The following GPR39 variants were observed in gnomAD, a reference collection of about 807,000 sequenced individuals.
The protein encoded by GPR39 is zinc sensing receptor.
A neutral mutation model predicts 18.4 loss-of-function variants in GPR39; 23 were observed. That is an observed-to-expected ratio of 1.25 (90% CI 0.90 to 1.77). The LOEUF (loss-of-function observed/expected upper bound fraction) is 1.77. Among genes scored for constraint, GPR39 ranks in the 40% most tolerant of loss-of-function variants. The pLI, the probability that GPR39 is intolerant of heterozygous loss-of-function variation, is 0.00. For synonymous variants in GPR39, 280 were observed against 257.9 expected, an observed-to-expected ratio of 1.09 and a Z score of -0.82; for missense variants, 647 against 602.4, an observed-to-expected ratio of 1.07 and a Z score of -0.78.
intron 1 of GPR39, among the ~76,000 whole-genome samples, chr2:132,418,216 TAATACTAGAG>T (rs1412832636): frequency 6.6e-6 from 1 of 152,110 alleles, no homozygotes; most frequent in Non-Finnish European, 1.5e-5. Context: ...ATGGGGACAA[TAATACTAGAG>T]AATATGACGG....
chr2:132,439,041 G>C (rs1485711478), intron 1 of GPR39, among the ~76,000 whole-genome samples: 2 of 152,192 alleles, frequency 1.3e-5, no homozygotes, highest in Non-Finnish European at 2.9e-5. Context: ...ACATTCATAA[G>C]AGTATTCCCC....
At chr2:132,521,597 G>C (rs1679427933) in intron 1 of GPR39, among the ~76,000 whole-genome samples, 1 of 152,158 alleles carries the variant, frequency 6.6e-6, no homozygotes, top group East Asian at 1.9e-4. Context: ...GGGATATTTG[G>C]AAGCATCTCT....
At chr2:132,465,496 A>G (rs1329062229) in intron 1 of GPR39, among the ~76,000 whole-genome samples, 1 of 152,238 alleles carries the variant, frequency 6.6e-6, no homozygotes, top group Non-Finnish European at 1.5e-5. Context: ...TTGTACAGTA[A>G]GTAATCACAG....
chr2:132,430,855 C>T (rs1680213359), intron 1 of GPR39, among the ~76,000 whole-genome samples: 1 of 152,248 alleles, frequency 6.6e-6, no homozygotes, highest in Admixed American at 6.5e-5. Flanking sequence ...TAGTGATGTG[C>T]TCTGACATTG....
intron 1 of GPR39, among the ~76,000 whole-genome samples, chr2:132,457,348 C>CTCTACACTG (rs1399459724): frequency 2.0e-5 from 3 of 152,186 alleles, no homozygotes. Context: ...TTAAGGTCTT[C>CTCTACACTG]TCTACACTGT....
intron 1 of GPR39, among the ~76,000 whole-genome samples, chr2:132,500,702 C>G (rs1211882401): frequency 6.6e-6 from 1 of 152,140 alleles, no homozygotes; most frequent in Non-Finnish European, 1.5e-5. Context: ...GTGATTCTAT[C>G]TAGTCCTGGA....
chr2:132,607,175 C>T (rs147206990), intron 1 of GPR39, among the ~76,000 whole-genome samples: 12 of 152,286 alleles, frequency 7.9e-5, no homozygotes, highest in African/African-American at 2.6e-4. Context: ...CAAGTATCAG[C>T]CTGCTCTGGC....
At position 132,550,448 on chromosome 2, in the gene GPR39, T is replaced by C. The variant is rs373545075; in HGVS notation, c.857-94653T>C. On this transcript the variant is annotated intron_variant, in intron 1 of 1. Coordinates refer to ENST00000329321, the MANE Select transcript of GPR39 (RefSeq NM_001508.3). Reference sequence around the variant, plus strand: ...TGTTGCATCTGTGGTTTCCATGGTATGAAGCTGCCACTGTGTTTGTTCCAA... The same window carrying C: ...TGTTGCATCTGTGGTTTCCATGGTACGAAGCTGCCACTGTGTTTGTTCCAA... 2.6e-5 allele frequency among the ~76,000 whole-genome samples: 4 copies of C among 152,176 alleles called. No homozygotes were observed. The East Asian group carries it at 5.8e-4, about 22-fold the overall frequency.
chr2:132,427,119 C>G (rs926298749), intron 1 of GPR39, among the ~76,000 whole-genome samples: 1 of 57,070 alleles, frequency 1.8e-5, no homozygotes, highest in Non-Finnish European at 3.4e-5. Context: ...ATATAATATA[C>G]ATATATAGGT....
At chr2:132,479,245 C>G (rs1186298328) in intron 1 of GPR39, among the ~76,000 whole-genome samples, 1 of 151,992 alleles carries the variant, frequency 6.6e-6, no homozygotes, top group Non-Finnish European at 1.5e-5. Context: ...CTTTTTGTTC[C>G]GTAGTGAGAT....
At chr2:132,471,989 C>T (rs1027602552) in intron 1 of GPR39, among the ~76,000 whole-genome samples, 1 of 152,152 alleles carries the variant, frequency 6.6e-6, no homozygotes, top group Admixed American at 6.5e-5. Context: ...ATATAATCCA[C>T]CTGCCACCAG....
intron 1 of GPR39, among the ~76,000 whole-genome samples, chr2:132,518,284 T>G (rs7604725): frequency 0.24 from 35,942 of 152,198 alleles, 5,522 homozygotes; most frequent in East Asian, 0.62. Context: ...CAAGGTGTTA[T>G]CCATAATAGT....
chr2:132,493,442 A>G (rs1339819257), intron 1 of GPR39, among the ~76,000 whole-genome samples: 1 of 146,198 alleles, frequency 6.8e-6, no homozygotes, highest in Non-Finnish European at 1.5e-5. Context: ...TACACACACC[A>G]TATATATACA....
chr2:132,642,183 A>C (rs183980029), intron 1 of GPR39, among the ~76,000 whole-genome samples: 1 of 152,216 alleles, frequency 6.6e-6, no homozygotes, highest in Non-Finnish European at 1.5e-5. Context: ...CTGGTGCACA[A>C]TATGAAAATC....
chr2:132,519,320 A>G lies in GPR39; in HGVS notation c.856+101422A>G, dbSNP rs932650887. 3.9e-5 allele frequency among the ~76,000 whole-genome samples: 6 copies of G among 152,162 alleles called. No individual in the cohort carries two copies. The East Asian group carries it at 1.2e-3, about 29-fold the overall frequency. ...TATTATTTGTTGACATAAAAAATGC[A>G]TATTTTTCTGAAGCCTGACTTCCCA... On this transcript the variant is annotated intron_variant, in intron 1 of 1. Transcript: ENST00000329321.
intron 1 of GPR39, among the ~76,000 whole-genome samples, chr2:132,543,837 G>A (rs867501475): frequency 1.2e-4 from 18 of 152,304 alleles, no homozygotes; most frequent in African/African-American, 4.1e-4. Flanking sequence ...CACCAAGGGA[G>A]GAGAATAGGC....
intron 1 of GPR39, among the ~76,000 whole-genome samples, chr2:132,568,395 A>G (rs922701931): frequency 2.0e-5 from 3 of 152,050 alleles, no homozygotes; most frequent in Non-Finnish European, 4.4e-5. Flanking sequence ...TGAGGTTTGC[A>G]TGATGCAATG....
At chr2:132,611,993 TGTGA>T (rs1681246578) in intron 1 of GPR39, among the ~76,000 whole-genome samples, 1 of 152,172 alleles carries the variant, frequency 6.6e-6, no homozygotes, top group Admixed American at 6.5e-5. Context: ...CAAGCAAACA[TGTGA>T]GTTCAGCGTG....
At chr2:132,545,670 G>GTGTGTGTGTT (rs1553455670) in intron 1 of GPR39, among the ~76,000 whole-genome samples, 12 of 151,838 alleles carry the variant, frequency 7.9e-5, no homozygotes, top group African/African-American at 2.7e-4. Flanking sequence ...GTGTGTGTGT[G>GTGTGTGTGTT]TGTGTGTGTG....
Sources: allele counts gnomAD v4.1 joint callset (sites outside exome capture counted in the v4.1 genomes callset), GRCh38; gene constraint gnomAD v4.1.1; transcripts MANE v1.5; gene names NCBI Gene and HGNC (gene_info 2026-07-23, HGNC 2026-07-21).